MAP2: variants seen among roughly 807,000 people sequenced by gnomAD.
The protein encoded by MAP2 is microtubule-associated protein 2.
Under a neutral mutation model 137.6 loss-of-function variants are expected in MAP2, and 14 were observed. That is an observed-to-expected ratio of 0.10 (90% CI 0.07 to 0.16). MAP2 has a LOEUF of 0.16. MAP2 is among the 10% of genes least tolerant of loss of function. The probability of loss-of-function intolerance (pLI) is 1.00; values close to 1 mark genes in which losing one functional copy is unlikely to be tolerated. For synonymous variants in MAP2, 786 were observed against 782.3 expected (o/e 1.00, Z -0.08); for missense variants, 2,088 against 2,191.5 (o/e 0.95, Z 0.94).
rs140004671 is a variant in MAP2 at position 209,609,144 on chromosome 2, T to A, written c.-106-15909T>A. On this transcript the variant is annotated intron_variant, in intron 3 of 15. Transcript: ENST00000682079. ...AAGATCTAAGTAGATGAGGTATAAT[T>A]TAATGCCTAATATATAGTAACAAAT... 3.9e-5 allele frequency among the ~76,000 whole-genome samples: 6 copies of A among 152,108 alleles called. No individual in the cohort carries two copies. In the East Asian group the frequency reaches 1.2e-3, roughly 29 times the overall value.
chr2:209,709,087 T>C (rs930507788), intron 12 of MAP2, among the ~76,000 whole-genome samples: 8 of 152,140 alleles, frequency 5.3e-5, no homozygotes, highest in Non-Finnish European at 8.8e-5. Flanking sequence ...AATAATAATA[T>C]GAGGCTGAGC....
At chr2:209,639,760 G>GT (rs111486094) in intron 4 of MAP2, among the ~76,000 whole-genome samples, 1,968 of 145,890 alleles carry the variant, frequency 0.013, 31 homozygotes, top group African/African-American at 0.042. Context: ...CTTACATGAG[G>GT]TTTTTTTTTT....
chr2:209,555,516 T>A lies in MAP2; in HGVS notation c.-171-24520T>A, dbSNP rs370817045. On this transcript the variant is annotated intron_variant, in intron 2 of 15. Transcript: ENST00000682079. ...TGACTGGACTGGAGATAAGGTAAAT[T>A]AGCATTGAGAACATACAGAACCACA... Among the ~76,000 whole-genome samples the A allele has an allele frequency of 2.6e-5, 4 of 152,182 alleles. 1 individual carries two copies. In the South Asian group the frequency reaches 8.3e-4, roughly 31 times the overall value.
intron 12 of MAP2, 122 bp from the exon 13 acceptor site, chr2:209,709,792 A>C: frequency 1.4e-6 from 1 of 713,498 alleles, no homozygotes; most frequent in Non-Finnish European, 2.3e-6. Context: ...CTATAGTGAT[A>C]ACTGTTTCTA....
chr2:209,698,952 C>T (rs759941395), intron 10 of MAP2, among the ~76,000 whole-genome samples: 14 of 152,132 alleles, frequency 9.2e-5, no homozygotes, highest in Non-Finnish European at 1.5e-4. Flanking sequence ...AAAGTGTTTA[C>T]ATGTCATTGG....
At chr2:209,676,045 T>C (rs979810770) in intron 5 of MAP2, among the ~76,000 whole-genome samples, 2 of 151,900 alleles carry the variant, frequency 1.3e-5, no homozygotes, top group Admixed American at 1.3e-4. Flanking sequence ...AAAAATTCTG[T>C]TAAGCATCCA....
At chr2:209,537,765 T>A (rs1380449906) in intron 2 of MAP2, among the ~76,000 whole-genome samples, 1 of 152,232 alleles carries the variant, frequency 6.6e-6, no homozygotes, top group Non-Finnish European at 1.5e-5. Context: ...CTCTCACTGA[T>A]ATTCTTGTAA....
At chr2:209,608,799 T>G (rs1051177852) in intron 3 of MAP2, among the ~76,000 whole-genome samples, 5 of 152,162 alleles carry the variant, frequency 3.3e-5, no homozygotes, top group Admixed American at 6.5e-5. Flanking sequence ...CATTTCCATT[T>G]CTATCTCCCA....
intron 2 of MAP2, among the ~76,000 whole-genome samples, chr2:209,509,412 T>G (rs35997966): frequency 0.059 from 8,898 of 151,946 alleles, 299 homozygotes; most frequent in South Asian, 0.092. Flanking sequence ...CGTGTACATA[T>G]AAATGGAAAC....
chr2:209,541,409 G>T (rs773347491), intron 2 of MAP2, among the ~76,000 whole-genome samples: 1 of 151,168 alleles, frequency 6.6e-6, no homozygotes, highest in African/African-American at 2.5e-5. Flanking sequence ...ACTGCTGACC[G>T]ATCAGGGTGG....
intron 5 of MAP2, among the ~76,000 whole-genome samples, chr2:209,658,954 C>A (rs552296523): frequency 1.7e-4 from 26 of 152,322 alleles, no homozygotes; most frequent in Admixed American, 9.8e-4. Context: ...ACCGTCATAT[C>A]TTTTATCTCA....
rs2710471 is a variant in MAP2 at position 209,625,620 on chromosome 2, G to T, written c.-30+491G>T. On this transcript the variant is annotated intron_variant, in intron 4 of 15. Coordinates refer to ENST00000682079, the MANE Select transcript of MAP2 (RefSeq NM_001375505.1). Reference sequence around the variant, plus strand: ...TGAGATTGCATACATGGCTTTGGAAGCAGGCACTGGACAGAACACCAGCCC... The same window carrying T: ...TGAGATTGCATACATGGCTTTGGAATCAGGCACTGGACAGAACACCAGCCC... Among the ~76,000 whole-genome samples the T allele has an allele frequency of 8.3e-3, 1,269 of 152,270 alleles. 16 individuals carry two copies. The highest frequency in any genetic ancestry group is 0.029 in the African/African-American group (1,186 of 41,568).
rs1210896148 is a variant in MAP2 at position 209,705,747 on chromosome 2, A to G, written c.4732+20A>G. 2.5e-6 allele frequency: 4 copies of G among 1,606,590 alleles called. No homozygotes were observed. The highest frequency in any genetic ancestry group is 2.6e-6 in the Non-Finnish European group (3 of 1,175,934). ...CCACCAGTAGGTTTATTTTGATTTG[A>G]ATTCCTTTTTAAGCACTTTTTAAAT... On this transcript the variant is annotated intron_variant, in intron 12 of 15. Transcript: ENST00000682079.
intron 5 of MAP2, among the ~76,000 whole-genome samples, chr2:209,659,862 C>A (rs1394203849): frequency 6.6e-6 from 1 of 151,982 alleles, no homozygotes; most frequent in Non-Finnish European, 1.5e-5. Context: ...CACTGTGAAA[C>A]CCCGTCTCTA....
At chr2:209,704,864 G>C (rs2062907484) in intron 11 of MAP2, among the ~76,000 whole-genome samples, 1 of 151,206 alleles carries the variant, frequency 6.6e-6, no homozygotes, top group Non-Finnish European at 1.5e-5. Flanking sequence ...TTTATGGTTT[G>C]ATTATCTGGT....
intron 13 of MAP2, among the ~76,000 whole-genome samples, chr2:209,717,906 C>T (rs1412576676): frequency 6.6e-6 from 1 of 152,164 alleles, no homozygotes; most frequent in African/African-American, 2.4e-5. Context: ...CATTTCTTCA[C>T]ATCTTCTTAG....
At chr2:209,519,119 T>A (rs966942838) in intron 2 of MAP2, among the ~76,000 whole-genome samples, 4 of 152,016 alleles carry the variant, frequency 2.6e-5, no homozygotes, top group African/African-American at 9.7e-5. Context: ...ACCAAAGTAA[T>A]AGAAAAAGAA....
At chr2:209,698,293 C>T (rs1462152737) in intron 10 of MAP2, among the ~76,000 whole-genome samples, 1 of 152,094 alleles carries the variant, frequency 6.6e-6, no homozygotes, top group Admixed American at 6.5e-5. Context: ...AATTTCAGGG[C>T]AAAGTATTTA....
In MAP2 at chr2:209,448,148, G is replaced by A. The variant is rs576784541; in HGVS notation, c.-222+23872G>A. The stretch of plus-strand genomic sequence containing the variant: ...CTGTCCTACAACAGCATTGCTCCAG[G>A]GTAATTCAATGAGGTATTGAACCTG... On this transcript the variant is annotated intron_variant, in intron 1 of 15. Coordinates refer to ENST00000682079, the MANE Select transcript of MAP2 (RefSeq NM_001375505.1). Among the ~76,000 whole-genome samples, 20 of 152,082 alleles carry A rather than the reference G, an allele frequency of 1.3e-4. No homozygotes were observed. The East Asian group carries it at 3.7e-3, about 28-fold the overall frequency.
Sources: allele counts gnomAD v4.1 joint callset (sites outside exome capture counted in the v4.1 genomes callset), GRCh38; gene constraint gnomAD v4.1.1; transcripts MANE v1.5; gene names NCBI Gene and HGNC (gene_info 2026-07-23, HGNC 2026-07-21).